PSD3: variants seen among roughly 807,000 people sequenced by gnomAD.
PSD3 encodes PH and SEC7 domain-containing protein 3.
Under a neutral mutation model 105.5 loss-of-function variants are expected in PSD3, and 49 were observed. That is an observed-to-expected ratio of 0.46 (90% CI 0.37 to 0.59). PSD3 has a LOEUF of 0.59. Ranked by LOEUF, PSD3 falls within the 20% of genes least tolerant of loss-of-function variation. The pLI is 0.00. For synonymous variants in PSD3, 557 were observed against 457.8 expected, an observed-to-expected ratio of 1.22 and a Z score of -2.77; for missense variants, 1,561 against 1,263.8, an observed-to-expected ratio of 1.24 and a Z score of -3.57.
intron 9 of PSD3, among the ~76,000 whole-genome samples, chr8:18,656,696 C>T (rs1014743890): frequency 5.9e-5 from 9 of 152,132 alleles, no homozygotes; most frequent in African/African-American, 1.9e-4. Context: ...GCTTGTTCCA[C>T]TATACCAACT....
chr8:18,669,583 G>A (rs1212136717), intron 9 of PSD3, among the ~76,000 whole-genome samples: 2 of 152,190 alleles, frequency 1.3e-5, no homozygotes, highest in Non-Finnish European at 2.9e-5. Context: ...CAGTGGGGAG[G>A]CACTGGACAA....
At chr8:18,646,890 T>C (rs1410424180) in intron 10 of PSD3, among the ~76,000 whole-genome samples, 1 of 152,198 alleles carries the variant, frequency 6.6e-6, no homozygotes, top group Admixed American at 6.5e-5. Context: ...AAGAGTTTTC[T>C]TAAGAGTTCA....
intron 9 of PSD3, among the ~76,000 whole-genome samples, chr8:18,728,546 A>G (rs1450643720): frequency 1.3e-5 from 2 of 152,116 alleles, no homozygotes; most frequent in Non-Finnish European, 2.9e-5. Flanking sequence ...GGCAAGACAG[A>G]GTGTTTAGGA....
At position 18,729,660 on chromosome 8, in the gene PSD3, C is replaced by G. The variant is rs184364625; in HGVS notation, c.2172+35789G>C. ...TATATCAAGAAAAGATACCCAACAT[C>G]TGTCTCATGTATTACCTTCAAAAAC... On this transcript the variant is annotated intron_variant, in intron 9 of 15. Transcript: ENST00000327040. Among the ~76,000 whole-genome samples the G allele has an allele frequency of 5.9e-3, 895 of 152,334 alleles. 7 individuals carry two copies. Among genetic ancestry groups the G allele is most frequent in the Non-Finnish European group, 8.2e-3 (560 of 68,020 alleles).
At chr8:18,819,339 G>A (rs1385409231) in intron 4 of PSD3, among the ~76,000 whole-genome samples, 1 of 152,052 alleles carries the variant, frequency 6.6e-6, no homozygotes, top group Non-Finnish European at 1.5e-5. Flanking sequence ...TCACCAAAAA[G>A]AATCCTTCAG....
intron 8 of PSD3, 113 bp from the exon 9 acceptor site, chr8:18,765,651 G>C: frequency 1.1e-6 from 1 of 930,572 alleles, no homozygotes; most frequent in South Asian, 1.4e-5. Flanking sequence ...ACTAGGCCAG[G>C]TGCGGTGGCT....
In PSD3 at chr8:18,627,972, G is replaced by A. The variant is rs1806614448; in HGVS notation, c.2410+4641C>T. Among the ~76,000 whole-genome samples, 3 of 152,056 alleles carry A rather than the reference G, an allele frequency of 2.0e-5. No homozygotes were observed. The South Asian group carries it at 6.2e-4, about 32-fold the overall frequency. On this transcript the variant is annotated intron_variant, in intron 11 of 15. Coordinates refer to ENST00000327040, the MANE Select transcript of PSD3 (RefSeq NM_015310.4). ...AAGAAAAACATCAACCTGATAAGGAGAGAAACGGAAGATATAAAATAGACC... is the reference window on the plus strand; with the variant it reads ...AAGAAAAACATCAACCTGATAAGGAAAGAAACGGAAGATATAAAATAGACC...
chr8:18,826,254 G>C (rs1813177425), intron 4 of PSD3, among the ~76,000 whole-genome samples: 1 of 152,170 alleles, frequency 6.6e-6, no homozygotes. Context: ...TCTCCAGCTC[G>C]CAGATGGCCG....
At chr8:18,992,808 TTTTC>T (rs200128143) in intron 1 of PSD3, among the ~76,000 whole-genome samples, 10 of 119,650 alleles carry the variant, frequency 8.4e-5, no homozygotes, top group African/African-American at 2.7e-4. Context: ...CCTTAATTCA[TTTTC>T]TTTCTGTTTC....
At chr8:18,545,585 A>C (rs1452733498) in intron 15 of PSD3, among the ~76,000 whole-genome samples, 5 of 152,208 alleles carry the variant, frequency 3.3e-5, no homozygotes, top group African/African-American at 9.6e-5. Flanking sequence ...TAAGAGACTA[A>C]ATTTTGCCTA....
chr8:18,572,106 T>C (rs1025173074), intron 14 of PSD3, among the ~76,000 whole-genome samples: 3 of 152,220 alleles, frequency 2.0e-5, no homozygotes, highest in Admixed American at 6.5e-5. Flanking sequence ...CATTGTAATA[T>C]GAACCGTGGA....
intron 2 of PSD3, among the ~76,000 whole-genome samples, chr8:18,905,128 A>G (rs1586380990): frequency 1.3e-5 from 2 of 152,346 alleles, no homozygotes; most frequent in East Asian, 3.9e-4. Flanking sequence ...TGGATGAAGA[A>G]TCCAAGCTGT....
At chr8:18,822,902 G>A (rs908406526) in intron 4 of PSD3, among the ~76,000 whole-genome samples, 1 of 152,126 alleles carries the variant, frequency 6.6e-6, no homozygotes, top group African/African-American at 2.4e-5. Context: ...GCTTAAATGT[G>A]CTTCTCCTAG....
chr8:19,053,586 G>A (rs1828603592), intron 1 of PSD3, among the ~76,000 whole-genome samples: 1 of 152,050 alleles, frequency 6.6e-6, no homozygotes, highest in South Asian at 2.1e-4. Flanking sequence ...ATCACTTGAG[G>A]CCAGGAGTTC....
At chr8:18,955,622 T>C (rs1013025816) in intron 1 of PSD3, among the ~76,000 whole-genome samples, 1 of 152,104 alleles carries the variant, frequency 6.6e-6, no homozygotes, top group African/African-American at 2.4e-5. Context: ...AACATTGAGA[T>C]CAAAGGAAAT....
chr8:18,930,477 G>C (rs1821669999), intron 2 of PSD3, among the ~76,000 whole-genome samples: 1 of 152,110 alleles, frequency 6.6e-6, no homozygotes, highest in Admixed American at 6.5e-5. Flanking sequence ...CTTTACATTG[G>C]CATACGCTTG....
intron 1 of PSD3, among the ~76,000 whole-genome samples, chr8:18,941,855 T>G (rs1822567900): frequency 6.6e-6 from 1 of 150,930 alleles, no homozygotes; most frequent in African/African-American, 2.4e-5. Context: ...GTATTTTTAG[T>G]AGAGACAGGG....
chr8:18,818,689 C>CG (rs914512617), intron 4 of PSD3, among the ~76,000 whole-genome samples: 4 of 151,968 alleles, frequency 2.6e-5, no homozygotes, highest in Non-Finnish European at 1.5e-5. Context: ...CCATACCCCC[C>CG]CCAACAACCA....
chr8:18,806,160 T>G (rs545106446), intron 4 of PSD3, among the ~76,000 whole-genome samples: 1 of 152,304 alleles, frequency 6.6e-6, no homozygotes, highest in East Asian at 1.9e-4. Flanking sequence ...CTGGCCTATA[T>G]TTTTATTTTG....
Sources: allele counts gnomAD v4.1 joint callset (sites outside exome capture counted in the v4.1 genomes callset), GRCh38; gene constraint gnomAD v4.1.1; transcripts MANE v1.5; gene names NCBI Gene and HGNC (gene_info 2026-07-23, HGNC 2026-07-21).